Variants in SLC4A10 observed in about 807,000 individuals in gnomAD.
SLC4A10 encodes solute carrier family 4 member 10.
SLC4A10 carries 42 observed loss-of-function variants against 137.7 expected under a neutral mutation model. That is an observed-to-expected ratio of 0.30 (90% CI 0.24 to 0.39). SLC4A10 has a LOEUF of 0.39. Among genes scored for constraint, SLC4A10 ranks in the 10% least tolerant of loss-of-function variants. SLC4A10 has a pLI of 1.00. For synonymous variants in SLC4A10, 474 were observed against 464.1 expected (o/e 1.02, Z -0.27); for missense variants, 925 against 1,355.0 (o/e 0.68, Z 4.98).
intron 1 of SLC4A10, among the ~76,000 whole-genome samples, chr2:161,699,315 C>T (rs572521276): frequency 2.0e-5 from 3 of 152,216 alleles, no homozygotes; most frequent in East Asian, 1.9e-4. Flanking sequence ...CCACCGCACC[C>T]GGCCGACATT....
chr2:161,809,426 A>G (rs2056329206), intron 3 of SLC4A10, among the ~76,000 whole-genome samples: 1 of 151,900 alleles, frequency 6.6e-6, no homozygotes, highest in Admixed American at 6.6e-5. Context: ...TTGCTTTTGG[A>G]GACTTAGCCA....
intron 21 of SLC4A10, among the ~76,000 whole-genome samples, chr2:161,959,905 G>T (rs962647692): frequency 6.6e-6 from 1 of 152,142 alleles, no homozygotes; most frequent in African/African-American, 2.4e-5. Flanking sequence ...TACTGTTATT[G>T]GTTGAATAGT....
chr2:161,625,991 T>A (rs2032284404), intron 1 of SLC4A10, among the ~76,000 whole-genome samples: 1 of 152,102 alleles, frequency 6.6e-6, no homozygotes. Flanking sequence ...AAAATACGTG[T>A]AAAAGATTTG....
At chr2:161,881,433 C>A (rs1394601793) in intron 9 of SLC4A10, among the ~76,000 whole-genome samples, 1 of 151,954 alleles carries the variant, frequency 6.6e-6, no homozygotes, top group Non-Finnish European at 1.5e-5. Context: ...ATTGTCATAT[C>A]CTCTACAATT....
chr2:161,763,164 A>G (rs2050425051), intron 1 of SLC4A10, among the ~76,000 whole-genome samples: 1 of 151,986 alleles, frequency 6.6e-6, no homozygotes, highest in Non-Finnish European at 1.5e-5. Flanking sequence ...GCAATTTTTT[A>G]TGATCCAGAG....
chr2:161,964,892 A>C (rs1050456334), intron 22 of SLC4A10, among the ~76,000 whole-genome samples, 159 bp from the exon 23 acceptor site: 1 of 152,160 alleles, frequency 6.6e-6, no homozygotes, highest in Admixed American at 6.5e-5. Context: ...AAAATGAAGG[A>C]AGCAGAAGAC....
At chr2:161,697,946 A>G (rs1211106032) in intron 1 of SLC4A10, among the ~76,000 whole-genome samples, 1 of 152,232 alleles carries the variant, frequency 6.6e-6, no homozygotes, top group African/African-American at 2.4e-5. Context: ...TGAGCATAGA[A>G]TGTTTTTCCA....
At chr2:161,646,775 A>G (rs565090619) in intron 1 of SLC4A10, among the ~76,000 whole-genome samples, 278 of 152,160 alleles carry the variant, frequency 1.8e-3, no homozygotes, top group African/African-American at 6.3e-3. Flanking sequence ...AGACATATCC[A>G]GTGCCATAGA....
chr2:161,682,173 A>C (rs560929332), intron 1 of SLC4A10, among the ~76,000 whole-genome samples: 3 of 152,284 alleles, frequency 2.0e-5, no homozygotes, highest in Non-Finnish European at 2.9e-5. Context: ...GAGTATGTTT[A>C]GGAAATATTT....
chr2:161,647,370 T>A (rs1326498008), intron 1 of SLC4A10, among the ~76,000 whole-genome samples: 1 of 152,098 alleles, frequency 6.6e-6, no homozygotes, highest in African/African-American at 2.4e-5. Flanking sequence ...ATTTGAAATA[T>A]TAATTGATAA....
chr2:161,841,591 A>C (rs1413281403), intron 4 of SLC4A10, among the ~76,000 whole-genome samples: 1 of 152,232 alleles, frequency 6.6e-6, no homozygotes, highest in Non-Finnish European at 1.5e-5. Flanking sequence ...ATTATGAAAA[A>C]GAATGTTGTG....
At chr2:161,722,892 G>T (rs189889348) in intron 1 of SLC4A10, among the ~76,000 whole-genome samples, 238 of 152,306 alleles carry the variant, frequency 1.6e-3, no homozygotes, top group Admixed American at 2.9e-3. Context: ...TTCTCACAGG[G>T]ATGCCCTGCC....
chr2:161,948,630 T>C (rs948137830), intron 17 of SLC4A10, among the ~76,000 whole-genome samples: 3 of 152,148 alleles, frequency 2.0e-5, no homozygotes, highest in African/African-American at 7.2e-5. Context: ...TCACATAGAA[T>C]AAATTTTAAA....
chr2:161,947,833 GC>G, intron 17 of SLC4A10, 106 bp downstream of exon 17: 1 of 1,263,442 alleles, frequency 7.9e-7, no homozygotes, highest in Non-Finnish European at 1.1e-6. Flanking sequence ...TGAGTGAGCT[GC>G]CAGGTTAGTT....
chr2:161,787,259 G>T (rs2053729813), intron 2 of SLC4A10, among the ~76,000 whole-genome samples: 1 of 151,872 alleles, frequency 6.6e-6, no homozygotes, highest in African/African-American at 2.4e-5. Context: ...CTATCTTTTT[G>T]GCTTATATGG....
At chr2:161,693,780 T>G (rs1242913547) in intron 1 of SLC4A10, among the ~76,000 whole-genome samples, 3 of 151,668 alleles carry the variant, frequency 2.0e-5, no homozygotes, top group African/African-American at 7.3e-5. Flanking sequence ...GGTTCATCCA[T>G]GTTGTCTCAA....
chr2:161,956,723 A>G (rs1695731137), intron 19 of SLC4A10, among the ~76,000 whole-genome samples: 1 of 152,216 alleles, frequency 6.6e-6, no homozygotes, highest in Non-Finnish European at 1.5e-5. Context: ...ACTGAAGCAA[A>G]TTAGAACAAG....
intron 3 of SLC4A10, among the ~76,000 whole-genome samples, chr2:161,825,467 G>A (rs548538961): frequency 1.9e-3 from 295 of 152,154 alleles, no homozygotes; most frequent in African/African-American, 6.6e-3. Flanking sequence ...TCTTTTCTGC[G>A]TTACTATTTA....
chr2:161,635,796 G>A (rs573521865), intron 1 of SLC4A10, among the ~76,000 whole-genome samples: 1 of 152,232 alleles, frequency 6.6e-6, no homozygotes, highest in East Asian at 1.9e-4. Flanking sequence ...TGCTTGTGCT[G>A]TTAATCACTG....
Sources: gnomAD v4.1 joint callset for allele counts (sites outside exome capture counted in the v4.1 genomes callset) on GRCh38, gnomAD v4.1.1 for gene constraint, MANE v1.5 for transcripts, NCBI Gene and HGNC (gene_info 2026-07-23, HGNC 2026-07-21) for gene names.